USP53: variants seen among roughly 807,000 people sequenced by gnomAD.
USP53 encodes ubiquitin specific peptidase 53, also known as ubiquitin carboxyl-terminal hydrolase 53.
A neutral mutation model predicts 94.9 loss-of-function variants in USP53; 71 were observed. The observed-to-expected ratio is 0.75, with a 90% CI of 0.62 to 0.91. USP53 has a LOEUF of 0.91. Ranked by LOEUF, USP53 falls within the 40% of genes least tolerant of loss-of-function variation. The pLI is 0.00. For synonymous variants in USP53, 375 were observed against 422.7 expected (o/e 0.89, Z 1.39); for missense variants, 1,173 against 1,281.0 (o/e 0.92, Z 1.29).
intron 5 of USP53, among the ~76,000 whole-genome samples, chr4:119,240,941 A>T (rs1202280221): frequency 1.3e-5 from 2 of 152,216 alleles, no homozygotes; most frequent in Non-Finnish European, 2.9e-5. Flanking sequence ...ATGCAGAAAA[A>T]TATTTATTCA....
Position 119,286,974 on chromosome 4 carries a change from C to G in USP53, c.2252-4191C>G, listed in dbSNP as rs80054928. Reference sequence around the variant, plus strand: ...AGAGACTCTGGGATAAATTTTACTGCTTTTTAAAAGTGTTATGAGTATAGC... The same window carrying G: ...AGAGACTCTGGGATAAATTTTACTGGTTTTTAAAAGTGTTATGAGTATAGC... On this transcript the variant is annotated intron_variant, in intron 17 of 18. Coordinates refer to ENST00000692078, the MANE Select transcript of USP53 (RefSeq NM_001371395.1). Among the ~76,000 whole-genome samples, 21 of 151,894 alleles carry G rather than the reference C, an allele frequency of 1.4e-4. No homozygotes were observed. In the East Asian group the frequency reaches 4.1e-3, roughly 29 times the overall value.
At chr4:119,256,143 ACT>A in intron 7 of USP53, 101 bp from the exon 8 acceptor site, 1 of 760,338 alleles carries the variant, frequency 1.3e-6, no homozygotes, top group Non-Finnish European at 2.1e-6. Flanking sequence ...TATGTATGAC[ACT>A]CTTAAATTTA....
intron 5 of USP53, among the ~76,000 whole-genome samples, chr4:119,242,447 T>C (rs565152521): frequency 6.6e-6 from 1 of 152,322 alleles, no homozygotes; most frequent in African/African-American, 2.4e-5. Flanking sequence ...AGTTTTCTAC[T>C]TTGGCTGCAG....
intron 17 of USP53, among the ~76,000 whole-genome samples, chr4:119,275,536 C>G (rs889791258): frequency 6.8e-6 from 1 of 147,266 alleles, no homozygotes; most frequent in African/African-American, 2.5e-5. Context: ...TAGTGTGATG[C>G]CTCCAGCTTT....
chr4:119,273,709 G>T lies in USP53; in HGVS notation c.2251+1G>T. On this transcript the variant is annotated splice_donor_variant, in intron 17 of 18. Coordinates refer to ENST00000692078, the MANE Select transcript of USP53 (RefSeq NM_001371395.1). LOFTEE classifies it high-confidence loss of function. ...CTTCAGAGCCAACATCACTTAGAAG[G>T]TAAAAAACTTATTTGAATATAATAG... 1 of 1,607,336 alleles carries T rather than the reference G, an allele frequency of 6.2e-7. No homozygotes were observed. The highest frequency in any genetic ancestry group is 1.1e-5 in the South Asian group (1 of 90,240).
chr4:119,213,026 ACT>A (rs1034384009), intron 1 of USP53, among the ~76,000 whole-genome samples, 153 bp downstream of exon 1: 5 of 151,240 alleles, frequency 3.3e-5, no homozygotes, highest in African/African-American at 9.7e-5. Flanking sequence ...GCACACACAC[ACT>A]CTCTTTGCTG....
At position 119,268,331 on chromosome 4, in the gene USP53, C is replaced by T; in HGVS notation, c.1199C>T (p.Ala400Val). Reference sequence around the variant, plus strand: ...AAAGAAAATGGATTTGGTGATCAGGCAAAGCAGAGAGAAAATCAGAAATTT... The same window carrying T: ...AAAGAAAATGGATTTGGTGATCAGGTAAAGCAGAGAGAAAATCAGAAATTT... ...NLKENGFGDQ[A>V]KQRENQKFPT... Residue 400 changes from alanine to valine, a missense_variant, in exon 14 of 19, where the codon GCA (alanine) becomes GTA (valine). Transcript: ENST00000692078. The T allele has an allele frequency of 6.2e-7, 1 of 1,613,740 alleles. No individual in the cohort carries two copies. Among genetic ancestry groups the T allele is most frequent in the Non-Finnish European group, 8.5e-7 (1 of 1,179,836 alleles).
At chr4:119,273,284 A>T in intron 16 of USP53, 1 of 159,696 alleles carries the variant, frequency 6.3e-6, no homozygotes. Flanking sequence ...ACTGCACTCC[A>T]TCCTGGGCAA....
intron 6 of USP53, among the ~76,000 whole-genome samples, chr4:119,247,535 T>C (rs947183055): frequency 6.6e-6 from 1 of 152,182 alleles, no homozygotes; most frequent in South Asian, 2.1e-4. Flanking sequence ...TTTTCTCTCT[T>C]GTATCTATTT....
At chr4:119,253,679 C>T (rs1393486710) in intron 7 of USP53, among the ~76,000 whole-genome samples, 1 of 152,112 alleles carries the variant, frequency 6.6e-6, no homozygotes, top group African/African-American at 2.4e-5. Context: ...TCCAATTTGC[C>T]AGTCTATGTC....
intron 17 of USP53, among the ~76,000 whole-genome samples, chr4:119,287,783 G>A (rs1370609159): frequency 6.6e-6 from 1 of 152,196 alleles, no homozygotes; most frequent in African/African-American, 2.4e-5. Context: ...TAGTGGCCTA[G>A]TTTCATCAGA....
chr4:119,222,093 C>T (rs1744611725), intron 3 of USP53, among the ~76,000 whole-genome samples: 1 of 152,018 alleles, frequency 6.6e-6, no homozygotes, highest in Non-Finnish European at 1.5e-5. Context: ...CATTAATTTT[C>T]TATGATGGTG....
At chr4:119,241,265 G>A (rs1457995894) in intron 5 of USP53, among the ~76,000 whole-genome samples, 1 of 152,102 alleles carries the variant, frequency 6.6e-6, no homozygotes, top group Non-Finnish European at 1.5e-5. Context: ...TGAACATTCT[G>A]CTGACATTTA....
rs892107279 is a variant in USP53 at position 119,294,586 on chromosome 4, T to G, written c.*1375T>G. 6.6e-6 allele frequency: 1 copy of G among 152,140 alleles called. No homozygotes were observed. Among genetic ancestry groups the G allele is most frequent in the Non-Finnish European group, 1.5e-5 (1 of 67,960 alleles). 9.4% of individuals were successfully genotyped at this position (152,140 alleles called of 1,614,324 possible). On this transcript the variant is annotated 3_prime_UTR_variant, in exon 19 of 19. Transcript: ENST00000692078. ...AAACAGAACTAAAGTTTTCCTTACA[T>G]TGCTAAATGGATAAACCTCATATTC...
chr4:119,243,950 A>G (rs1395897855), intron 5 of USP53, among the ~76,000 whole-genome samples: 1 of 152,202 alleles, frequency 6.6e-6, no homozygotes, highest in Non-Finnish European at 1.5e-5. Context: ...AACAGCCCTA[A>G]GAGGTAAGTA....
intron 6 of USP53, among the ~76,000 whole-genome samples, chr4:119,246,355 A>G (rs540134006): frequency 3.3e-5 from 5 of 152,176 alleles, no homozygotes; most frequent in Non-Finnish European, 7.3e-5. Flanking sequence ...AGCCACCATG[A>G]TGAGGAAGCC....
chr4:119,263,264 GA>G (rs1369428361), intron 12 of USP53, among the ~76,000 whole-genome samples: 1 of 152,144 alleles, frequency 6.6e-6, no homozygotes, highest in African/African-American at 2.4e-5. Flanking sequence ...GTTGAACAGA[GA>G]AAAGGGAAAC....
chr4:119,226,244 T>G (rs1745236438), intron 3 of USP53, among the ~76,000 whole-genome samples: 1 of 152,210 alleles, frequency 6.6e-6, no homozygotes, highest in Non-Finnish European at 1.5e-5. Flanking sequence ...TGATTTCATC[T>G]CAGATTGGAA....
intron 3 of USP53, among the ~76,000 whole-genome samples, chr4:119,223,201 T>C (rs1275868271): frequency 1.3e-5 from 2 of 152,220 alleles, no homozygotes; most frequent in African/African-American, 2.4e-5. Context: ...TTTTGAGTTG[T>C]TCCTTTATTT....
Sources: allele counts gnomAD v4.1 joint callset (sites outside exome capture counted in the v4.1 genomes callset), GRCh38; gene constraint gnomAD v4.1.1; transcripts MANE v1.5; gene names NCBI Gene and HGNC (gene_info 2026-07-23, HGNC 2026-07-21).